The following HMCN1 variants were observed in gnomAD, a reference collection of about 807,000 sequenced individuals.
The protein encoded by HMCN1 is hemicentin 1.
A neutral mutation model predicts 625.9 loss-of-function variants in HMCN1; 321 were observed. The ratio of observed to expected loss-of-function variants is 0.51; its 90% CI spans 0.47 to 0.56. The LOEUF is 0.56. HMCN1 is among the 20% of genes least tolerant of loss of function. The pLI is 0.00. For missense variants in HMCN1, 6,588 were observed against 6,887.3 expected, an observed-to-expected ratio of 0.96 and a Z score of 1.54; for synonymous variants, 2,425 against 2,417.6, an observed-to-expected ratio of 1.00 and a Z score of -0.09.
chr1:185,948,886 G>C (rs553375479), intron 11 of HMCN1, among the ~76,000 whole-genome samples: 1 of 151,862 alleles, frequency 6.6e-6, no homozygotes, highest in Middle Eastern at 3.2e-3. Flanking sequence ...CCTAGAGTGG[G>C]AGAGATTAAG....
At chr1:186,122,819 C>A in intron 80 of HMCN1, 132 bp from the exon 81 acceptor site, 1 of 970,336 alleles carries the variant, frequency 1.0e-6, no homozygotes, top group Non-Finnish European at 1.5e-6. Context: ...TGTAGTGCTC[C>A]TTTTCTAATG....
At chr1:185,878,052 T>A (rs979911331) in intron 4 of HMCN1, among the ~76,000 whole-genome samples, 9 of 152,204 alleles carry the variant, frequency 5.9e-5, no homozygotes, top group Admixed American at 2.6e-4. Flanking sequence ...TTCTCAGCTT[T>A]AATGTTATTG....
At chr1:186,040,862 T>C in intron 39 of HMCN1, 151 bp from the exon 40 acceptor site, 2 of 742,368 alleles carry the variant, frequency 2.7e-6, no homozygotes, top group Non-Finnish European at 4.6e-6. Context: ...AAGGGTATTA[T>C]ATGATGTTTG....
At chr1:185,937,475 G>C (rs1667866832) in intron 11 of HMCN1, among the ~76,000 whole-genome samples, 1 of 152,148 alleles carries the variant, frequency 6.6e-6, no homozygotes, top group African/African-American at 2.4e-5. Context: ...CTCCCATGAG[G>C]CCTCATCTCC....
chr1:186,007,391 A>G (rs951055040), intron 30 of HMCN1, 109 bp downstream of exon 30: 2 of 994,604 alleles, frequency 2.0e-6, no homozygotes, highest in African/African-American at 1.6e-5. Flanking sequence ...TTGGAATACT[A>G]CATACTTCAA....
intron 4 of HMCN1, among the ~76,000 whole-genome samples, chr1:185,866,356 T>G (rs142942824): frequency 6.6e-6 from 1 of 151,460 alleles, no homozygotes; most frequent in South Asian, 2.1e-4. Context: ...GTAAGAAAAT[T>G]TAGTATTTTC....
chr1:186,048,254 C>T (rs780249687), intron 41 of HMCN1, among the ~76,000 whole-genome samples: 9 of 152,062 alleles, frequency 5.9e-5, no homozygotes, highest in Non-Finnish European at 1.0e-4. Context: ...GATACTAATT[C>T]ATCTGCCAAG....
At chr1:186,113,885 A>T in intron 72 of HMCN1, 94 bp from the exon 73 acceptor site, 3 of 1,340,626 alleles carry the variant, frequency 2.2e-6, no homozygotes, top group Non-Finnish European at 3.2e-6. Flanking sequence ...TATACATTTG[A>T]CTCGAAGCTC....
chr1:185,958,191 T>C (rs1054613376), intron 11 of HMCN1, among the ~76,000 whole-genome samples: 4 of 152,282 alleles, frequency 2.6e-5, no homozygotes, highest in African/African-American at 9.6e-5. Context: ...TTTGGCTCAC[T>C]GCAACCTCTG....
At chr1:186,101,784 C>G (rs1392587317) in intron 68 of HMCN1, among the ~76,000 whole-genome samples, 4 of 151,928 alleles carry the variant, frequency 2.6e-5, no homozygotes, top group African/African-American at 7.3e-5. Context: ...TTGACATATA[C>G]TAAATAACCG....
intron 30 of HMCN1, among the ~76,000 whole-genome samples, chr1:186,009,061 G>A (rs1653821101): frequency 6.6e-6 from 1 of 152,114 alleles, no homozygotes; most frequent in Admixed American, 6.5e-5. Flanking sequence ...AACTATACAA[G>A]CATCCAAGTT....
chr1:186,057,927 G>T, intron 46 of HMCN1, among the ~76,000 whole-genome samples: 1 of 151,900 alleles, frequency 6.6e-6, no homozygotes, highest in Admixed American at 6.6e-5. Context: ...GTCATTTGTG[G>T]ATCAATATAA....
intron 1 of HMCN1, among the ~76,000 whole-genome samples, chr1:185,781,343 T>G (rs1657086056): frequency 6.6e-6 from 1 of 152,226 alleles, no homozygotes. Context: ...TGTGTCTCTA[T>G]CTCCTTCAGT....
At chr1:186,115,877 C>T (rs564024946) in intron 75 of HMCN1, among the ~76,000 whole-genome samples, 25 of 148,630 alleles carry the variant, frequency 1.7e-4, no homozygotes, top group African/African-American at 6.0e-4. Flanking sequence ...TGCTTTTTTC[C>T]AAGCTTTAAT....
intron 11 of HMCN1, among the ~76,000 whole-genome samples, chr1:185,954,438 T>A (rs1390633734): frequency 6.6e-6 from 1 of 152,140 alleles, no homozygotes; most frequent in African/African-American, 2.4e-5. Flanking sequence ...CCTTATTGCA[T>A]AAACGTATCA....
Position 185,989,473 on chromosome 1 carries a change from C to T in HMCN1, c.3049-15C>T, listed in dbSNP as rs201182223. ...AACAAACAAAAAACCCTTTGCTTTT[C>T]GCCGTGTTTTGCAGAAAGGAGAGCT... On this transcript the variant is annotated splice_polypyrimidine_tract_variant and intron_variant, in intron 20 of 106. Transcript: ENST00000271588. The T allele has an allele frequency of 3.0e-5, 49 of 1,613,446 alleles. No individual in the cohort carries two copies. The highest frequency in any genetic ancestry group is 1.0e-4 in the Admixed American group (6 of 60,010).
At chr1:186,051,396 G>A (rs1244190126) in intron 42 of HMCN1, among the ~76,000 whole-genome samples, 1 of 152,022 alleles carries the variant, frequency 6.6e-6, no homozygotes, top group Non-Finnish European at 1.5e-5. Context: ...TTTTGGACAA[G>A]TCAAGTTTGA....
intron 97 of HMCN1, among the ~76,000 whole-genome samples, chr1:186,162,820 C>G (rs1651596978): frequency 6.6e-6 from 1 of 152,148 alleles, no homozygotes; most frequent in South Asian, 2.1e-4. Context: ...TCAGTCTGCC[C>G]CTACTGGGGG....
At chr1:186,028,083 C>T (rs757293717) in intron 36 of HMCN1, among the ~76,000 whole-genome samples, 22 of 152,088 alleles carry the variant, frequency 1.4e-4, no homozygotes, top group Non-Finnish European at 2.8e-4. Context: ...TATTAACTCA[C>T]AAAAATTACA....
Sources: gnomAD v4.1 joint callset for allele counts (sites outside exome capture counted in the v4.1 genomes callset) on GRCh38, gnomAD v4.1.1 for gene constraint, MANE v1.5 for transcripts, NCBI Gene and HGNC (gene_info 2026-07-23, HGNC 2026-07-21) for gene names.